COA1: variants seen among roughly 807,000 people sequenced by gnomAD.
COA1 encodes cytochrome c oxidase assembly factor 1 homolog.
A neutral mutation model predicts 16.0 loss-of-function variants in COA1; 13 were observed. The observed-to-expected ratio is 0.81, with a 90% CI of 0.53 to 1.29. COA1 has a LOEUF of 1.29. Among genes scored for constraint, COA1 ranks in the 50% most tolerant of loss-of-function variants. The probability of loss-of-function intolerance (pLI) is 0.00; values close to 1 mark genes in which losing one functional copy is unlikely to be tolerated. For missense variants in COA1, 179 were observed against 177.0 expected (o/e 1.01, Z -0.06); for synonymous variants, 65 against 65.7 (o/e 0.99, Z 0.05).
At chr7:43,622,423 A>C (rs2153017293) in intron 6 of COA1, 1 of 152,308 alleles carries the variant, frequency 6.6e-6, no homozygotes, top group South Asian at 2.1e-4. Flanking sequence ...TTTTCATAGA[A>C]ATAGAACATT....
At position 43,673,694 on chromosome 7, in the gene COA1, G is replaced by A. The variant is rs564024938; in HGVS notation, c.-38-25042C>T. Among the ~76,000 whole-genome samples the A allele has an allele frequency of 4.6e-5, 7 of 152,122 alleles. No homozygotes were observed. In the East Asian group the frequency reaches 1.2e-3, roughly 25 times the overall value. Reference sequence around the variant, plus strand: ...CTCTTCCATAAAGACACATGCACACGTATGTTCATCACTGCACTATTCACA... The same window carrying A: ...CTCTTCCATAAAGACACATGCACACATATGTTCATCACTGCACTATTCACA... On this transcript the variant is annotated intron_variant, in intron 1 of 5. Transcript: ENST00000223336.
At chr7:43,614,387 G>A (rs1322934256) in intron 6 of COA1, among the ~76,000 whole-genome samples, 3 of 152,100 alleles carry the variant, frequency 2.0e-5, no homozygotes, top group Non-Finnish European at 4.4e-5. Flanking sequence ...GATTTTGTGT[G>A]CCACAACTTC....
chr7:43,723,442 C>T (rs1005431906), intron 1 of COA1, among the ~76,000 whole-genome samples: 2 of 152,216 alleles, frequency 1.3e-5, no homozygotes, highest in Non-Finnish European at 2.9e-5. Context: ...GGGAGGTAAA[C>T]TTGCCTGTCA....
chr7:43,669,590 G>A (rs2093127536), intron 1 of COA1, among the ~76,000 whole-genome samples: 1 of 152,062 alleles, frequency 6.6e-6, no homozygotes, highest in Non-Finnish European at 1.5e-5. Context: ...TGAGCGCTAT[G>A]CAAATCAGGC....
chr7:43,610,623 C>T (rs1015187567), intron 6 of COA1, among the ~76,000 whole-genome samples: 76 of 151,538 alleles, frequency 5.0e-4, no homozygotes, highest in African/African-American at 1.7e-3. Context: ...GCTGAGATCA[C>T]GCCATTGCAC....
intron 1 of COA1, chr7:43,648,899 C>G (rs2090153775): frequency 2.4e-6 from 1 of 412,782 alleles, no homozygotes; most frequent in African/African-American, 2.0e-5. Flanking sequence ...TTACAGCAAC[C>G]AAAGAACCGG....
At chr7:43,684,530 A>G (rs2093925184) in intron 1 of COA1, among the ~76,000 whole-genome samples, 1 of 152,170 alleles carries the variant, frequency 6.6e-6, no homozygotes, top group South Asian at 2.1e-4. Context: ...ATCGTGCATT[A>G]CTTTCACCAT....
chr7:43,727,586 A>C (rs2095642596), intron 1 of COA1, among the ~76,000 whole-genome samples: 1 of 152,276 alleles, frequency 6.6e-6, no homozygotes, highest in South Asian at 2.1e-4. Flanking sequence ...ATGAATGTTA[A>C]GTAAAAGAAG....
At chr7:43,678,963 A>T (rs771890471) in intron 1 of COA1, among the ~76,000 whole-genome samples, 41 of 152,342 alleles carry the variant, frequency 2.7e-4, no homozygotes, top group Non-Finnish European at 5.3e-4. Flanking sequence ...TAAGTCAAAG[A>T]AAAATCAAAA....
rs1006902382 is a variant in COA1 at position 43,621,096 on chromosome 7, T to C, written c.*134-11601A>G. Reference sequence around the variant, plus strand: ...GCACAGAAAGACTCAGGAGGGCCGATAGGGTTGAAGAAAACAAACCTGTAT... The same window carrying C: ...GCACAGAAAGACTCAGGAGGGCCGACAGGGTTGAAGAAAACAAACCTGTAT... On this transcript the variant is annotated intron_variant and NMD_transcript_variant, in intron 6 of 6. Transcript: ENST00000415076. Among the ~76,000 whole-genome samples the C allele has an allele frequency of 5.3e-5, 8 of 152,338 alleles. No homozygotes were observed. In the South Asian group the frequency reaches 8.3e-4, roughly 16 times the overall value.
intron 1 of COA1, among the ~76,000 whole-genome samples, chr7:43,680,832 A>T (rs969024126): frequency 6.6e-6 from 1 of 152,074 alleles, no homozygotes; most frequent in South Asian, 2.1e-4. Flanking sequence ...TTAGCCAAGT[A>T]TGGTGGCGTG....
chr7:43,637,381 G>GTCTT (rs1221528237), downstream of COA1, among the ~76,000 whole-genome samples: 3 of 152,180 alleles, frequency 2.0e-5, no homozygotes, highest in Non-Finnish European at 4.4e-5. Context: ...CTCTCCTGCA[G>GTCTT]TCTTTACAAG....
chr7:43,695,561 T>A lies in COA1; in HGVS notation c.-39+33868A>T, dbSNP rs6962114. Among the ~76,000 whole-genome samples the A allele has an allele frequency of 6.2e-4, 95 of 152,202 alleles. 1 individual carries two copies. The highest frequency in any genetic ancestry group is 2.1e-3 in the African/African-American group (88 of 41,580). Reference sequence around the variant, plus strand: ...TCACTAGAATGTATGCAAATGGGACTTGGCCTGTCACTGAGCAGTCCTCAA... The same window carrying A: ...TCACTAGAATGTATGCAAATGGGACATGGCCTGTCACTGAGCAGTCCTCAA... On this transcript the variant is annotated intron_variant, in intron 1 of 5. Coordinates refer to ENST00000223336, the MANE Select transcript of COA1 (RefSeq NM_018224.4).
At chr7:43,629,092 C>T (rs1204374998) in intron 6 of COA1, among the ~76,000 whole-genome samples, 1 of 152,168 alleles carries the variant, frequency 6.6e-6, no homozygotes, top group Non-Finnish European at 1.5e-5. Context: ...TTCAGTGGTT[C>T]CAGCACCACT....
intron 6 of COA1, among the ~76,000 whole-genome samples, chr7:43,630,128 G>A (rs2085022159): frequency 6.6e-6 from 1 of 152,056 alleles, no homozygotes; most frequent in African/African-American, 2.4e-5. Flanking sequence ...CTGAAGGCCC[G>A]TACAGCCTAA....
Position 43,678,161 on chromosome 7 carries a change from A to G in COA1, c.-38-29509T>C, listed in dbSNP as rs558201096. ...TTGAAAACAACTTAGTAATTTGTAT[A>G]AAGTATTTTAAAACATCTTTTCAAA... On this transcript the variant is annotated intron_variant, in intron 1 of 5. Coordinates refer to ENST00000223336, the MANE Select transcript of COA1 (RefSeq NM_018224.4). Among the ~76,000 whole-genome samples, 6 of 152,378 alleles carry G rather than the reference A, an allele frequency of 3.9e-5. 1 individual carries two copies. In the South Asian group the frequency reaches 1.0e-3, roughly 26 times the overall value.
chr7:43,702,906 T>G (rs1226039586), intron 1 of COA1, among the ~76,000 whole-genome samples: 1 of 152,202 alleles, frequency 6.6e-6, no homozygotes, highest in Middle Eastern at 3.2e-3. Flanking sequence ...GTTGGTTTGC[T>G]CTTGTTTTTC....
At chr7:43,707,414 G>A (rs1204282518) in intron 1 of COA1, among the ~76,000 whole-genome samples, 1 of 152,020 alleles carries the variant, frequency 6.6e-6, no homozygotes, top group Non-Finnish European at 1.5e-5. Context: ...AAACATAAAT[G>A]TTCAGCCCCA....
At chr7:43,649,899 C>T (rs1342778679) in intron 1 of COA1, 1 of 152,270 alleles carries the variant, frequency 6.6e-6, no homozygotes, top group Non-Finnish European at 1.5e-5. Flanking sequence ...GGAAGTAACA[C>T]TCAGGAAGTG....
Sources: allele counts gnomAD v4.1 joint callset (sites outside exome capture counted in the v4.1 genomes callset), GRCh38; gene constraint gnomAD v4.1.1; transcripts MANE v1.5; gene names NCBI Gene and HGNC (gene_info 2026-07-23, HGNC 2026-07-21).